The following ANO7 variants were observed in gnomAD, a reference collection of about 807,000 sequenced individuals.
The protein encoded by ANO7 is anoctamin 7.
ANO7 carries 114 observed loss-of-function variants against 115.8 expected under a neutral mutation model. The ratio of observed to expected loss-of-function variants is 0.98; its 90% CI spans 0.85 to 1.15. The LOEUF is 1.15. Among genes scored for constraint, ANO7 ranks in the 50% most tolerant of loss-of-function variants. ANO7 has a pLI of 0.00. For synonymous variants in ANO7, 550 were observed against 498.2 expected (o/e 1.10, Z -1.38); for missense variants, 1,302 against 1,201.2 (o/e 1.08, Z -1.24).
rs574647896 is a variant in ANO7, at chr2:241,191,446, G to T, written c.166+195G>T. ...AGTGGGAAGAACAGCAGGAAAGGGG[G>T]CTCCCTACTGATGGGGTGGGGCCGG... is the stretch of plus-strand genomic sequence containing the variant. On this transcript the variant is annotated intron_variant, in intron 3 of 24. Coordinates refer to ENST00000674324, the MANE Select transcript of ANO7 (RefSeq NM_001370694.2). 3.3e-5 allele frequency among the ~76,000 whole-genome samples: 5 copies of T among 152,224 alleles called. No homozygotes were observed. The South Asian group carries it at 1.0e-3, about 32-fold the overall frequency.
At chr2:241,192,263 A>G (rs890798283) in intron 3 of ANO7, among the ~76,000 whole-genome samples, 3 of 152,170 alleles carry the variant, frequency 2.0e-5, no homozygotes, top group African/African-American at 7.2e-5. Flanking sequence ...AGGCGGAGGT[A>G]GCGGTGAACC....
At chr2:241,228,885 T>TG (rs1221368555), downstream of ANO7, 1 of 152,704 alleles carries the variant, frequency 6.5e-6, no homozygotes, top group East Asian at 1.9e-4. Flanking sequence ...ACCCAGATGG[T>TG]GCCTACCACC....
chr2:241,209,145 T>C, intron 11 of ANO7, 140 bp from the exon 12 acceptor site: 1 of 1,100,772 alleles, frequency 9.1e-7, no homozygotes, highest in Non-Finnish European at 1.3e-6. Flanking sequence ...CCAGACTCCG[T>C]CTCAAGCAAA....
intron 16 of ANO7, 92 bp downstream of exon 16, chr2:241,212,297 G>C: frequency 7.7e-7 from 1 of 1,296,092 alleles, no homozygotes; most frequent in East Asian, 2.3e-5. Flanking sequence ...TCATCCAGCC[G>C]TGCTCAGGCA....
At chr2:241,221,384 C>T (rs2149272583) in intron 21 of ANO7, among the ~76,000 whole-genome samples, 1 of 148,806 alleles carries the variant, frequency 6.7e-6, no homozygotes, top group African/African-American at 2.5e-5. Context: ...CCGTCCTATT[C>T]TCTTTTTTCT....
chr2:241,223,919 G>A lies in ANO7; in HGVS notation c.2547G>A (p.Thr849=), dbSNP rs573159318. The A allele has an allele frequency of 9.9e-6, 16 of 1,613,466 alleles. No individual in the cohort carries two copies. Among genetic ancestry groups the A allele is most frequent in the South Asian group, 9.9e-5 (9 of 91,062 alleles). ...ALAENEVLFG[T]NGTKDEQPEG... ...TTTGGGGACAGGTTCTTTTTGGAAC[G>A]AACGGAACAAAGGATGAGCAGCCCG... The change falls in exon 24 of 25, where the codon ACG becomes ACA. Residue 849 remains threonine (T), a synonymous_variant. Coordinates refer to ENST00000674324, the MANE Select transcript of ANO7 (RefSeq NM_001370694.2).
At chr2:241,229,752 C>T, downstream of ANO7, 2 of 1,608,088 alleles carry the variant, frequency 1.2e-6, no homozygotes, top group South Asian at 1.1e-5. Flanking sequence ...GCTTCCGACG[C>T]AGTTGCCACC....
intron 17 of ANO7, among the ~76,000 whole-genome samples, chr2:241,213,795 G>C (rs1446760469): frequency 1.3e-5 from 2 of 152,204 alleles, no homozygotes; most frequent in Non-Finnish European, 2.9e-5. Context: ...GAGAAACTTC[G>C]CATGGGGTCT....
Position 241,216,291 on chromosome 2 carries a change from G to T in ANO7, c.1972+53G>T. ...TGGCTGGCGCCGTGGGCAGGGATGGGTGGCCACTCTGCTCAAGGGCCTCCC... is the reference window on the plus strand; with the variant it reads ...TGGCTGGCGCCGTGGGCAGGGATGGTTGGCCACTCTGCTCAAGGGCCTCCC... On this transcript the variant is annotated intron_variant, in intron 19 of 24. Transcript: ENST00000674324. The T allele has an allele frequency of 4.7e-6, 7 of 1,501,732 alleles. No individual in the cohort carries two copies. The Admixed American group carries it at 1.6e-4, about 35-fold the overall frequency. 93.0% of individuals were successfully genotyped at this position (1,501,732 alleles called of 1,614,324 possible). A position where few individuals can be genotyped will look rare whatever the true frequency, so the allele number is the denominator to read the frequency against.
At chr2:241,236,896 T>G in the ANO7 span, 2 of 842,096 alleles carry the variant, frequency 2.4e-6, no homozygotes, top group Non-Finnish European at 3.6e-6. Context: ...AAACCACTCC[T>G]GTCCTTCAGG....
intron 21 of ANO7, among the ~76,000 whole-genome samples, chr2:241,220,136 C>G (rs2068974506): frequency 6.6e-6 from 1 of 152,076 alleles, no homozygotes; most frequent in South Asian, 2.1e-4. Flanking sequence ...ATTGCCTTCT[C>G]CGAGTCTTTT....
intron 13 of ANO7, 125 bp downstream of exon 13, chr2:241,209,760 C>T: frequency 7.5e-7 from 1 of 1,326,076 alleles, no homozygotes; most frequent in South Asian, 1.6e-5. Flanking sequence ...CCCTCACTCC[C>T]CGCAGAGAGG....
chr2:241,230,303 TC>T (rs753081436), downstream of ANO7: 4 of 1,286,132 alleles, frequency 3.1e-6, no homozygotes, highest in Non-Finnish European at 3.3e-6. This position sits in a 1 kb window ranked among gnomAD's most constrained non-coding sequence, Gnocchi z 5.0. Flanking sequence ...ATGAGGGGAC[TC>T]CAAGCGAGGA....
intron 2 of ANO7, among the ~76,000 whole-genome samples, 178 bp downstream of exon 2, chr2:241,190,349 C>T (rs552003479): frequency 1.4e-4 from 22 of 152,300 alleles, no homozygotes; most frequent in Admixed American, 3.9e-4. Flanking sequence ...GTCAGATCAC[C>T]GCTCTCCTGG....
intron 17 of ANO7, among the ~76,000 whole-genome samples, chr2:241,213,274 C>T (rs961674208): frequency 1.3e-5 from 2 of 151,808 alleles, no homozygotes; most frequent in South Asian, 2.1e-4. Flanking sequence ...ACAGGCTTGG[C>T]GTGCTGCCGC....
chr2:241,197,889 G>A (rs2068381982), intron 4 of ANO7, among the ~76,000 whole-genome samples: 2 of 151,388 alleles, frequency 1.3e-5, no homozygotes, highest in Admixed American at 6.6e-5. Flanking sequence ...GACCTCAAGG[G>A]ATCTGCCTGT....
rs1292144056 is a variant in ANO7 at position 241,217,667 on chromosome 2, C to T, written c.1973-19C>T. ...GGCGGACGGTGGCGGAGAGCCCGGC[C>T]GTGACCCCCTCCCCGCAGTGCTGCA... is the stretch of plus-strand genomic sequence containing the variant. On this transcript the variant is annotated intron_variant, in intron 19 of 24. Transcript: ENST00000674324. The T allele has an allele frequency of 1.9e-6, 3 of 1,563,808 alleles. No individual in the cohort carries two copies. Among genetic ancestry groups the T allele is most frequent in the African/African-American group, 2.7e-5 (2 of 74,040 alleles).
chr2:241,198,804 T>C (rs568584760), intron 4 of ANO7, among the ~76,000 whole-genome samples: 35 of 152,296 alleles, frequency 2.3e-4, no homozygotes, highest in African/African-American at 8.4e-4. Context: ...GGAGCACCTG[T>C]CACATGTTGG....
the ANO7 span, chr2:241,239,589 C>G: frequency 6.2e-7 from 1 of 1,612,024 alleles, no homozygotes; most frequent in South Asian, 1.1e-5. The surrounding 1 kb of genome is among the most constrained non-coding windows in gnomAD (Gnocchi z 4.6). Flanking sequence ...TCCCCGAGCA[C>G]CCAAGTGCCT....
Sources: gnomAD v4.1 joint callset for allele counts (sites outside exome capture counted in the v4.1 genomes callset) on GRCh38, gnomAD v4.1.1 for gene constraint, Gnocchi (gnomAD v3.1) non-coding constraint, MANE v1.5 for transcripts, NCBI Gene and HGNC (gene_info 2026-07-23, HGNC 2026-07-21) for gene names.